GSDMC: variants seen among roughly 807,000 people sequenced by gnomAD.
GSDMC encodes the protein gasdermin C.
GSDMC carries 59 observed loss-of-function variants against 58.0 expected under a neutral mutation model. The observed-to-expected ratio is 1.02, with a 90% CI of 0.82 to 1.26. GSDMC has a LOEUF of 1.26. Among genes scored for constraint, GSDMC ranks in the 50% most tolerant of loss-of-function variants. The pLI, the probability that GSDMC is intolerant of heterozygous loss-of-function variation, is 0.00. For missense variants in GSDMC, 659 were observed against 598.5 expected (o/e 1.10, Z -1.06); for synonymous variants, 241 against 220.2 (o/e 1.09, Z -0.83).
At chr8:129,719,976 C>T in the GSDMC span, among the ~76,000 whole-genome samples, 1 of 152,110 alleles carries the variant, frequency 6.6e-6, no homozygotes, top group Non-Finnish European at 1.5e-5. Context: ...ATCCAAGTCA[C>T]ATAACTACTC....
In GSDMC at chr8:129,750,094, A is replaced by G. The variant is rs1184826791; in HGVS notation, c.1109T>C (p.Leu370Ser). Residue 370 changes from leucine (L) to serine (S), a missense_variant, in exon 12 of 14, where the codon TTG (leucine) becomes TCG (serine). Physicochemically the swap from Leu to Ser is moderately radical, Grantham distance 145. Transcript: ENST00000276708. ...TAGGATGGCACCACCAGGGCCATCC[A>G]AATGACCTGAGCTGTCCAATTCCAG... ...NMLELDSSGH[L>S]DGPGGAILKK... The G allele has an allele frequency of 5.6e-6, 9 of 1,594,414 alleles. No homozygotes were observed. The South Asian group carries it at 1.0e-4, about 18-fold the overall frequency.
At chr8:129,715,521 G>T in the GSDMC span, among the ~76,000 whole-genome samples, 2 of 152,148 alleles carry the variant, frequency 1.3e-5, no homozygotes, top group Non-Finnish European at 2.9e-5. Flanking sequence ...AAAACCCTGA[G>T]TACAAGTAGT....
At chr8:129,775,128 G>T (rs1415802397) in intron 3 of GSDMC, among the ~76,000 whole-genome samples, 3 of 152,140 alleles carry the variant, frequency 2.0e-5, no homozygotes, top group Non-Finnish European at 4.4e-5. Context: ...GTTCATTGCA[G>T]CATTATTCAC....
chr8:129,760,430 T>C, intron 6 of GSDMC, 115 bp downstream of exon 6: 1 of 565,190 alleles, frequency 1.8e-6, no homozygotes, highest in Non-Finnish European at 3.1e-6. Context: ...TTCCATTATG[T>C]GATTATTACA....
the GSDMC span, among the ~76,000 whole-genome samples, chr8:129,709,590 T>TGATTGATA: frequency 2.7e-5 from 4 of 146,148 alleles, no homozygotes; most frequent in East Asian, 4.1e-4. Flanking sequence ...GATAGATAGA[T>TGATTGATA]GATAGATAGA....
Position 129,776,267 on chromosome 8 carries a change from G to A in GSDMC, c.239C>T (p.Pro80Leu), listed in dbSNP as rs542215717. Residue 80 changes from proline to leucine, a missense_variant, in exon 3 of 14, where the codon CCG becomes CTG. Transcript: ENST00000276708. The stretch of plus-strand genomic sequence containing the variant: ...GATCATAATGTCACTGAAGTGGAAC[G>A]GTCCTGTCACAACAGTTTCTGGGGA... The part of the protein sequence containing the change: ...SSVLETVVTG[P>L]FHFSDIMIQK... 1.7e-5 allele frequency: 28 copies of A among 1,608,568 alleles called. 1 individual carries two copies. The highest frequency in any genetic ancestry group is 1.2e-4 in the Admixed American group (7 of 58,686).
At chr8:129,763,480 C>T (rs2033746700) in intron 4 of GSDMC, among the ~76,000 whole-genome samples, 1 of 152,142 alleles carries the variant, frequency 6.6e-6, no homozygotes, top group Non-Finnish European at 1.5e-5. Context: ...CCTTGTATTT[C>T]CTCCTGAAAG....
intron 12 of GSDMC, among the ~76,000 whole-genome samples, 174 bp downstream of exon 12, chr8:129,749,816 T>C (rs2033099669): frequency 6.6e-6 from 1 of 152,144 alleles, no homozygotes; most frequent in Admixed American, 6.5e-5. Context: ...CTCAATTCTG[T>C]GTCATACGGC....
At chr8:129,733,208 T>G in the GSDMC span, among the ~76,000 whole-genome samples, 1 of 143,572 alleles carries the variant, frequency 7.0e-6, no homozygotes, top group Admixed American at 6.9e-5. Flanking sequence ...GTCTGTTGCC[T>G]CTGTAGATTC....
At chr8:129,718,223 C>A in the GSDMC span, among the ~76,000 whole-genome samples, 1 of 152,070 alleles carries the variant, frequency 6.6e-6, no homozygotes, top group Non-Finnish European at 1.5e-5. Context: ...AAACTATCAA[C>A]AAAGTAAACA....
chr8:129,723,876 T>A, the GSDMC span, among the ~76,000 whole-genome samples: 2 of 152,250 alleles, frequency 1.3e-5, no homozygotes, highest in African/African-American at 4.8e-5. Flanking sequence ...GTATTTTTAC[T>A]TTTTCCAGAC....
chr8:129,750,202 C>G, intron 11 of GSDMC, 83 bp from the exon 12 acceptor site: 1 of 1,207,346 alleles, frequency 8.3e-7, no homozygotes, highest in Non-Finnish European at 1.1e-6. Context: ...TGGTGATAAC[C>G]AAGGGGTAGG....
At chr8:129,784,172 A>G (rs902561212) in intron 1 of GSDMC, among the ~76,000 whole-genome samples, 2 of 152,248 alleles carry the variant, frequency 1.3e-5, no homozygotes, top group African/African-American at 2.4e-5. Flanking sequence ...TCTCCAGGAC[A>G]TTGGTCTAGG....
intron 13 of GSDMC, 45 bp downstream of exon 13, chr8:129,749,407 C>A (rs1292874743): frequency 7.7e-7 from 1 of 1,292,202 alleles, no homozygotes; most frequent in Non-Finnish European, 1.1e-6. Context: ...ACCTCTGGTT[C>A]CCTCACCCTC....
the GSDMC span, among the ~76,000 whole-genome samples, chr8:129,735,454 G>T: frequency 1.3e-5 from 2 of 148,890 alleles, no homozygotes; most frequent in Non-Finnish European, 2.9e-5. Flanking sequence ...ACAACAAACT[G>T]TCTTTCAGAC....
intron 1 of GSDMC, among the ~76,000 whole-genome samples, chr8:129,780,058 G>A (rs907393062): frequency 1.3e-5 from 2 of 152,090 alleles, no homozygotes; most frequent in Non-Finnish European, 2.9e-5. Flanking sequence ...TTGAAAGCAG[G>A]CTATTTGAAA....
chr8:129,738,801 T>C, the GSDMC span, among the ~76,000 whole-genome samples: 1 of 152,074 alleles, frequency 6.6e-6, no homozygotes, highest in South Asian at 2.1e-4. Flanking sequence ...ACTTAAAGTA[T>C]AGTTTTTAAA....
chr8:129,760,125 A>G (rs1181404046), intron 6 of GSDMC, among the ~76,000 whole-genome samples: 1 of 152,178 alleles, frequency 6.6e-6, no homozygotes, highest in Admixed American at 6.5e-5. Context: ...AAACACAAAC[A>G]TTTTATGTTT....
chr8:129,772,209 G>A (rs926704928), intron 3 of GSDMC, among the ~76,000 whole-genome samples: 4 of 149,654 alleles, frequency 2.7e-5, no homozygotes, highest in African/African-American at 4.9e-5. Flanking sequence ...TGCAGTGAGC[G>A]GAGATCGCGC....
Sources: gnomAD v4.1 joint callset for allele counts (sites outside exome capture counted in the v4.1 genomes callset) on GRCh38, gnomAD v4.1.1 for gene constraint, MANE v1.5 for transcripts, NCBI Gene and HGNC (gene_info 2026-07-23, HGNC 2026-07-21) for gene names.